DRAM2: variants seen among roughly 807,000 people sequenced by gnomAD.
DRAM2 encodes DNA damage-regulated autophagy modulator protein 2.
Under a neutral mutation model 33.5 loss-of-function variants are expected in DRAM2, and 26 were observed. The observed-to-expected ratio is 0.78, with a 90% CI of 0.57 to 1.08. DRAM2 has a LOEUF of 1.08. Ranked by LOEUF, DRAM2 falls within the 50% of genes least tolerant of loss-of-function variation. The probability of loss-of-function intolerance (pLI) is 0.00; values close to 1 mark genes in which losing one functional copy is unlikely to be tolerated. For synonymous variants in DRAM2, 98 were observed against 109.5 expected (o/e 0.89, Z 0.66); for missense variants, 311 against 318.1 (o/e 0.98, Z 0.17).
chr1:111,122,454 G>C (rs1650234788), intron 6 of DRAM2, among the ~76,000 whole-genome samples: 1 of 152,142 alleles, frequency 6.6e-6, no homozygotes, highest in Non-Finnish European at 1.5e-5. Context: ...ATTAAGTCCT[G>C]ACTCCATTTA....
At chr1:111,138,310 CA>C (rs1653685648) in intron 2 of DRAM2, among the ~76,000 whole-genome samples, 1 of 152,200 alleles carries the variant, frequency 6.6e-6, no homozygotes, top group Admixed American at 6.5e-5. Context: ...AATTTAAATG[CA>C]TGGACTAGGT....
chr1:111,120,717 C>T (rs373234421), intron 6 of DRAM2, 24 bp from the exon 7 acceptor site: 32 of 1,455,916 alleles, frequency 2.2e-5, no homozygotes, highest in African/African-American at 1.2e-4. Context: ...AGAAGAAATA[C>T]GTCAATAAAA....
chr1:111,128,692 C>A (rs944299723), intron 4 of DRAM2, among the ~76,000 whole-genome samples: 2 of 152,126 alleles, frequency 1.3e-5, no homozygotes, highest in Non-Finnish European at 2.9e-5. Context: ...GTGGATTCAA[C>A]GAAGTACTTG....
chr1:111,126,495 T>C (rs1651049103), intron 4 of DRAM2, among the ~76,000 whole-genome samples: 1 of 151,974 alleles, frequency 6.6e-6, no homozygotes, highest in African/African-American at 2.4e-5. Context: ...ACTCACATCA[T>C]TTTAAGATTA....
intron 4 of DRAM2, 150 bp from the exon 5 acceptor site, chr1:111,126,444 T>C (rs980240614): frequency 2.2e-5 from 12 of 533,828 alleles, no homozygotes; most frequent in Non-Finnish European, 3.5e-5. Context: ...ACAGAGAACA[T>C]GACAATTTGA....
chr1:111,137,765 C>G (rs937503726), intron 2 of DRAM2, among the ~76,000 whole-genome samples, 179 bp from the exon 3 acceptor site: 1 of 144,400 alleles, frequency 6.9e-6, no homozygotes, highest in Non-Finnish European at 1.5e-5. Flanking sequence ...TGATGTTGTA[C>G]CATCTGGAAT....
chr1:111,132,515 C>A (rs545576807), intron 3 of DRAM2, among the ~76,000 whole-genome samples: 48 of 152,140 alleles, frequency 3.2e-4, no homozygotes, highest in Non-Finnish European at 1.5e-5. Context: ...TCAACCAGTG[C>A]GATCTGATGC....
chr1:111,137,171 T>C (rs1214075502), intron 3 of DRAM2, among the ~76,000 whole-genome samples: 2 of 146,520 alleles, frequency 1.4e-5, no homozygotes, highest in Admixed American at 1.4e-4. Flanking sequence ...GAGAATGGTG[T>C]GAACCCCGGG....
intron 7 of DRAM2, 21 bp downstream of exon 7, chr1:111,120,495 A>G (rs1476311929): frequency 2.0e-6 from 3 of 1,530,306 alleles, no homozygotes; most frequent in African/African-American, 2.8e-5. Context: ...AAGTGTAGCC[A>G]CATTGTACAG....
chr1:111,118,287 T>A lies in DRAM2; in HGVS notation c.694-20A>T, dbSNP rs1302764220. 6.4e-7 allele frequency: 1 copy of A among 1,560,772 alleles called. No homozygotes were observed. The highest frequency in any genetic ancestry group is 1.1e-5 in the South Asian group (1 of 88,826). On this transcript the variant is annotated intron_variant, in intron 9 of 9. Transcript: ENST00000484310. ...AATTTTCTGGAACAGAAAAGAAAAT[T>A]ATATATAGAAGTTTGCTCCTTAAAG...
intron 3 of DRAM2, among the ~76,000 whole-genome samples, chr1:111,136,953 T>A (rs1374723757): frequency 6.7e-6 from 1 of 148,606 alleles, no homozygotes; most frequent in Admixed American, 6.7e-5. Context: ...CAGTAAAAAT[T>A]TAGAACATTT....
intron 3 of DRAM2, among the ~76,000 whole-genome samples, chr1:111,132,901 A>G (rs1246634049): frequency 2.0e-5 from 3 of 151,934 alleles, no homozygotes; most frequent in Admixed American, 6.6e-5. Context: ...GCTGGTATCA[A>G]ACTCCTGGGC....
chr1:111,134,970 A>T (rs182837788), intron 3 of DRAM2, among the ~76,000 whole-genome samples: 1 of 152,140 alleles, frequency 6.6e-6, no homozygotes, highest in African/African-American at 2.4e-5. Flanking sequence ...ACCTTGAATG[A>T]GTGATGGCAG....
chr1:111,131,700 A>T (rs1347703295), intron 3 of DRAM2, 132 bp from the exon 4 acceptor site: 4 of 764,022 alleles, frequency 5.2e-6, no homozygotes, highest in Non-Finnish European at 8.3e-6. Flanking sequence ...CTCATGCCAT[A>T]CCCCAATACT....
Position 111,118,789 on chromosome 1 carries a change from T to C in DRAM2, c.693+16A>G. 1 of 1,581,686 alleles carries C rather than the reference T, an allele frequency of 6.3e-7. No homozygotes were observed. Among genetic ancestry groups the C allele is most frequent in the Non-Finnish European group, 8.6e-7 (1 of 1,156,176 alleles). On this transcript the variant is annotated intron_variant, in intron 9 of 9. Coordinates refer to ENST00000484310, the MANE Select transcript of DRAM2 (RefSeq NM_001349884.2). ...AGGAAGTCTGACTGAATAAATCTAA[T>C]ATTGTGCCTTCTTACCTGAAAATCA... is the stretch of plus-strand genomic sequence containing the variant.
intron 4 of DRAM2, among the ~76,000 whole-genome samples, chr1:111,130,536 T>C (rs2101077869): frequency 6.6e-6 from 1 of 152,002 alleles, no homozygotes; most frequent in Middle Eastern, 3.4e-3. Context: ...AAACCCCATC[T>C]CTACTAAAAA....
intron 3 of DRAM2, 69 bp from the exon 4 acceptor site, chr1:111,131,637 T>C (rs1652108827): frequency 6.6e-7 from 1 of 1,515,404 alleles, no homozygotes; most frequent in Non-Finnish European, 9.0e-7. Flanking sequence ...TAGCCATCCA[T>C]GCCCACAGCC....
chr1:111,118,797 C>T lies in DRAM2; in HGVS notation c.693+8G>A. The T allele has an allele frequency of 6.3e-7, 1 of 1,596,218 alleles. No homozygotes were observed. Among genetic ancestry groups the T allele is most frequent in the South Asian group, 1.1e-5 (1 of 89,526 alleles). ...TGACTGAATAAATCTAATATTGTGC[C>T]TTCTTACCTGAAAATCACGAATGTA... On this transcript the variant is annotated splice_region_variant and intron_variant, in intron 9 of 9. Transcript: ENST00000484310.
intron 2 of DRAM2, chr1:111,139,224 C>A (rs1653956666): frequency 6.6e-6 from 1 of 152,132 alleles, no homozygotes; most frequent in African/African-American, 2.4e-5. Context: ...TACAGAGTTG[C>A]ATTTGGTTAC....
Sources: allele counts gnomAD v4.1 joint callset (sites outside exome capture counted in the v4.1 genomes callset), GRCh38; gene constraint gnomAD v4.1.1; transcripts MANE v1.5; gene names NCBI Gene and HGNC (gene_info 2026-07-23, HGNC 2026-07-21).